Variants in PIEZO2 observed in about 807,000 individuals in gnomAD.
PIEZO2 encodes the protein piezo-type mechanosensitive ion channel component 2.
In PIEZO2, 172 loss-of-function variants were observed where a neutral mutation model predicts 337.3. The ratio of observed to expected loss-of-function variants is 0.51; its 90% CI spans 0.45 to 0.58. PIEZO2 has a LOEUF of 0.58. Ranked by LOEUF, PIEZO2 falls within the 20% of genes least tolerant of loss-of-function variation. PIEZO2 has a pLI of 0.00. For synonymous variants in PIEZO2, 1,251 were observed against 1,228.5 expected (o/e 1.02, Z -0.38); for missense variants, 3,028 against 3,391.3 (o/e 0.89, Z 2.66).
At chr18:10,841,790 T>C (rs2041200549) in intron 7 of PIEZO2, among the ~76,000 whole-genome samples, 1 of 152,152 alleles carries the variant, frequency 6.6e-6, no homozygotes, top group African/African-American at 2.4e-5. Flanking sequence ...TAAAAGCTAA[T>C]AGTATTGTAA....
At chr18:10,995,638 T>C (rs997684240) in intron 2 of PIEZO2, among the ~76,000 whole-genome samples, 6 of 152,218 alleles carry the variant, frequency 3.9e-5, no homozygotes, top group Admixed American at 3.9e-4. Context: ...GAAAGTTATT[T>C]CCCAGTAGCC....
At chr18:10,762,900 T>G (rs1451912449) in intron 22 of PIEZO2, 22 bp downstream of exon 22, 1 of 1,533,738 alleles carries the variant, frequency 6.5e-7, no homozygotes, top group South Asian at 1.2e-5. Context: ...GTCAGGAATA[T>G]TCCCCCATCA....
In PIEZO2 at chr18:10,742,423, T is replaced by C; in HGVS notation, c.4636+71A>G. On this transcript the variant is annotated intron_variant, in intron 32 of 55. Coordinates refer to ENST00000674853, the MANE Select transcript of PIEZO2 (RefSeq NM_001378183.1). ...GGCAGAATAAGAAGTAATGTTATTT[T>C]ACAGCCCTGCTCAATATCATGCTAT... 3 of 1,476,982 alleles carry C rather than the reference T, an allele frequency of 2.0e-6. No individual in the cohort carries two copies. The South Asian group carries it at 3.7e-5, about 18-fold the overall frequency. The allele number at this position is 1,476,982 out of a possible 1,614,324, so 91.5% of individuals were successfully genotyped here. A position where few individuals can be genotyped will look rare whatever the true frequency, so the allele number is the denominator to read the frequency against.
At chr18:10,681,435 A>G (rs1010140051) in intron 51 of PIEZO2, among the ~76,000 whole-genome samples, 24 of 152,224 alleles carry the variant, frequency 1.6e-4, no homozygotes, top group Non-Finnish European at 3.4e-4. Flanking sequence ...AATTTTTAAA[A>G]TGGATCAATA....
intron 3 of PIEZO2, among the ~76,000 whole-genome samples, chr18:10,961,120 G>A (rs1340801937): frequency 1.3e-5 from 2 of 151,928 alleles, no homozygotes; most frequent in East Asian, 1.9e-4. Context: ...GGCAGAGCTT[G>A]CAGTGAGCCA....
intron 7 of PIEZO2, among the ~76,000 whole-genome samples, chr18:10,838,705 T>A (rs2041097288): frequency 6.6e-6 from 1 of 152,220 alleles, no homozygotes; most frequent in Non-Finnish European, 1.5e-5. Context: ...AGGGAATGTT[T>A]ATATTCTATG....
At chr18:10,736,348 T>C (rs1207290019) in intron 34 of PIEZO2, among the ~76,000 whole-genome samples, 1 of 152,238 alleles carries the variant, frequency 6.6e-6, no homozygotes, top group Non-Finnish European at 1.5e-5. Flanking sequence ...TTTTTGTTTA[T>C]AGTATCAGGA....
At chr18:10,720,240 A>ACG (rs1567983058) in intron 36 of PIEZO2, among the ~76,000 whole-genome samples, 10 of 127,364 alleles carry the variant, frequency 7.9e-5, no homozygotes, top group African/African-American at 2.7e-4. Flanking sequence ...GTGTGTATAT[A>ACG]TATATATATG....
rs1031041063 is a variant in PIEZO2, at chr18:11,001,535, T to G, written c.161-21875A>C. Reference sequence around the variant, plus strand: ...TATGTAGCTGTATTTTGTTATGTGTTGTGTGTGCACATTTTCCAGAAATCA... The same window carrying G: ...TATGTAGCTGTATTTTGTTATGTGTGGTGTGTGCACATTTTCCAGAAATCA... On this transcript the variant is annotated intron_variant, in intron 2 of 55. Coordinates refer to ENST00000674853, the MANE Select transcript of PIEZO2 (RefSeq NM_001378183.1). The surrounding 1 kb of genome is among the most constrained non-coding windows in gnomAD (Gnocchi z 5.3). Among the ~76,000 whole-genome samples, 2 of 152,212 alleles carry G rather than the reference T, an allele frequency of 1.3e-5. No homozygotes were observed. Among genetic ancestry groups the G allele is most frequent in the Non-Finnish European group, 2.9e-5 (2 of 68,012 alleles).
chr18:10,900,229 A>T (rs1242814442), intron 4 of PIEZO2, among the ~76,000 whole-genome samples: 3 of 152,022 alleles, frequency 2.0e-5, no homozygotes, highest in Non-Finnish European at 2.9e-5. Context: ...AAATCCACAC[A>T]TACACATGTA....
intron 35 of PIEZO2, among the ~76,000 whole-genome samples, chr18:10,732,708 C>T (rs1011732031): frequency 3.9e-5 from 6 of 152,122 alleles, no homozygotes; most frequent in African/African-American, 1.2e-4. Context: ...AATGGGAAGA[C>T]GAACTGGAAT....
At chr18:11,141,726 A>G (rs2040653794) in intron 1 of PIEZO2, among the ~76,000 whole-genome samples, 1 of 152,192 alleles carries the variant, frequency 6.6e-6, no homozygotes, top group Admixed American at 6.5e-5. Context: ...CCGGGGAGAC[A>G]GGATGCTTGG....
chr18:10,994,571 A>G lies in PIEZO2; in HGVS notation c.161-14911T>C, dbSNP rs141736861. Among the ~76,000 whole-genome samples the G allele has an allele frequency of 1.3e-3, 198 of 150,776 alleles. 1 individual carries two copies. In the East Asian group the frequency reaches 0.028, roughly 22 times the overall value. ...CTTACAGGTGCATGCCACCATGCCT[A>G]ATTTTTTTTTGTATTTTTAGTAGAG... On this transcript the variant is annotated intron_variant, in intron 2 of 55. Coordinates refer to ENST00000674853, the MANE Select transcript of PIEZO2 (RefSeq NM_001378183.1).
rs930861497 is a variant in PIEZO2, at chr18:10,845,875, C to G, written c.917+9478G>C. ...AATACATTTAAAGCCCATCATTTTT[C>G]TAAAGCAAAAACTAAATATTTGCAA... On this transcript the variant is annotated intron_variant, in intron 7 of 55. Coordinates refer to ENST00000674853, the MANE Select transcript of PIEZO2 (RefSeq NM_001378183.1). Among the ~76,000 whole-genome samples the G allele has an allele frequency of 5.3e-5, 8 of 152,296 alleles. No homozygotes were observed. The East Asian group carries it at 1.5e-3, about 29-fold the overall frequency.
chr18:11,011,524 C>T (rs547354366), intron 2 of PIEZO2, among the ~76,000 whole-genome samples: 23 of 152,274 alleles, frequency 1.5e-4, no homozygotes, highest in African/African-American at 5.5e-4. Flanking sequence ...TTACCTCATG[C>T]AGTGTTCATA....
intron 43 of PIEZO2, among the ~76,000 whole-genome samples, chr18:10,699,547 C>A (rs900742928): frequency 2.6e-5 from 4 of 152,148 alleles, no homozygotes; most frequent in African/African-American, 9.7e-5. Context: ...GAGGCCTCCC[C>A]AGCCGTGTGG....
At position 10,726,500 on chromosome 18, in the gene PIEZO2, A is replaced by C; in HGVS notation, c.5029+4907T>G. On this transcript the variant is annotated intron_variant, in intron 36 of 55. Transcript: ENST00000674853. This position sits in a 1 kb window ranked among gnomAD's most constrained non-coding sequence, Gnocchi z 5.9. ...CACCCTGCACAGCGTGCTGCTCCGCAAGCAGCCGTTCCTGTGGCGCGCTGC... is the reference window on the plus strand; with the variant it reads ...CACCCTGCACAGCGTGCTGCTCCGCCAGCAGCCGTTCCTGTGGCGCGCTGC... The C allele has an allele frequency of 1.3e-6, 2 of 1,496,896 alleles. No homozygotes were observed. The highest frequency in any genetic ancestry group is 1.8e-6 in the Non-Finnish European group (2 of 1,128,118). 92.7% of individuals were successfully genotyped at this position (1,496,896 alleles called of 1,614,324 possible).
chr18:11,110,885 C>A lies in PIEZO2; in HGVS notation c.64+37640G>T, dbSNP rs1332993585. Among the ~76,000 whole-genome samples the A allele has an allele frequency of 6.6e-6, 1 of 152,216 alleles. No individual in the cohort carries two copies. The highest frequency in any genetic ancestry group is 1.5e-5 in the Non-Finnish European group (1 of 68,034). On this transcript the variant is annotated intron_variant, in intron 1 of 55. Transcript: ENST00000674853. This position sits in a 1 kb window ranked among gnomAD's most constrained non-coding sequence, Gnocchi z 4.2. ...GTCCACTGGGTCACTGCCACCCTCTCCTGAGGTCTGCTCCACACACGAGGT... is the reference window on the plus strand; with the variant it reads ...GTCCACTGGGTCACTGCCACCCTCTACTGAGGTCTGCTCCACACACGAGGT...
chr18:11,046,259 G>C (rs1329740440), intron 2 of PIEZO2, among the ~76,000 whole-genome samples: 2 of 152,204 alleles, frequency 1.3e-5, no homozygotes. Flanking sequence ...TTGAATGATA[G>C]AATCAGTTAC....
Sources: allele counts gnomAD v4.1 joint callset (sites outside exome capture counted in the v4.1 genomes callset), GRCh38; gene constraint gnomAD v4.1.1; non-coding constraint Gnocchi (gnomAD v3.1); transcripts MANE v1.5; gene names NCBI Gene and HGNC (gene_info 2026-07-23, HGNC 2026-07-21).